MAPK10: variants seen among roughly 807,000 people sequenced by gnomAD.
The protein encoded by MAPK10 is JNK3 alpha protein kinase.
A neutral mutation model predicts 59.3 loss-of-function variants in MAPK10; 25 were observed. The observed-to-expected ratio is 0.42, with a 90% CI of 0.31 to 0.59. MAPK10 has a LOEUF of 0.59. Among genes scored for constraint, MAPK10 ranks in the 20% least tolerant of loss-of-function variants. The probability of loss-of-function intolerance (pLI) is 0.15; values close to 1 mark genes in which losing one functional copy is unlikely to be tolerated. For missense variants in MAPK10, 351 were observed against 568.9 expected (o/e 0.62, Z 3.90); for synonymous variants, 190 against 200.5 (o/e 0.95, Z 0.44).
intron 2 of MAPK10, among the ~76,000 whole-genome samples, chr4:86,215,811 G>A (rs1370097827): frequency 2.6e-5 from 4 of 152,256 alleles, no homozygotes; most frequent in African/African-American, 4.8e-5. Flanking sequence ...GCAGTGAGCC[G>A]AGATTGTGCC....
At chr4:86,458,401 T>C (rs1381424975) in intron 1 of MAPK10, among the ~76,000 whole-genome samples, 1 of 151,604 alleles carries the variant, frequency 6.6e-6, no homozygotes, top group Non-Finnish European at 1.5e-5. Context: ...GGCAAGGGTT[T>C]TGGTGAGCTG....
intron 2 of MAPK10, chr4:86,326,276 G>A (rs187591640): frequency 3.9e-5 from 6 of 152,320 alleles, no homozygotes; most frequent in Admixed American, 2.0e-4. Context: ...TATGTGACTT[G>A]ACTACTGTGC....
At chr4:86,142,205 A>C (rs2063784650) in intron 4 of MAPK10, among the ~76,000 whole-genome samples, 1 of 152,208 alleles carries the variant, frequency 6.6e-6, no homozygotes. Context: ...TTGGTGGGAA[A>C]AACAAAACAT....
rs191404912 is a variant in MAPK10 at position 86,240,772 on chromosome 4, T to G, written c.-6-46365A>C. 2.4e-3 allele frequency among the ~76,000 whole-genome samples: 364 copies of G among 152,268 alleles called. 1 individual carries two copies. Among genetic ancestry groups the G allele is most frequent in the Non-Finnish European group, 3.5e-3 (236 of 68,016 alleles). ...GGGTCTCCTAAATGCAGCAAACCGATGGGTCTTGACTCCTCATCCAATTTG... is the reference window on the plus strand; with the variant it reads ...GGGTCTCCTAAATGCAGCAAACCGAGGGGTCTTGACTCCTCATCCAATTTG... On this transcript the variant is annotated intron_variant, in intron 2 of 13. Coordinates refer to ENST00000641462, the MANE Select transcript of MAPK10 (RefSeq NM_138982.4).
At chr4:86,235,818 T>C (rs1247586906) in intron 2 of MAPK10, among the ~76,000 whole-genome samples, 1 of 152,130 alleles carries the variant, frequency 6.6e-6, no homozygotes, top group Non-Finnish European at 1.5e-5. Flanking sequence ...AATTAACACA[T>C]TTGATTCATG....
At chr4:86,298,166 A>G (rs2095404555) in intron 2 of MAPK10, among the ~76,000 whole-genome samples, 1 of 152,138 alleles carries the variant, frequency 6.6e-6, no homozygotes, top group Non-Finnish European at 1.5e-5. Flanking sequence ...GTACCTCCAC[A>G]GCAATCCAGA....
intron 3 of MAPK10, among the ~76,000 whole-genome samples, chr4:86,169,374 T>C (rs1408236887): frequency 6.6e-6 from 1 of 150,996 alleles, no homozygotes; most frequent in East Asian, 2.0e-4. Flanking sequence ...CTTAAAGGAG[T>C]GGATGGAGCT....
At chr4:86,051,869 G>A (rs1281912093) in intron 11 of MAPK10, among the ~76,000 whole-genome samples, 3 of 151,944 alleles carry the variant, frequency 2.0e-5, no homozygotes, top group Non-Finnish European at 2.9e-5. Context: ...AAAAATCTTT[G>A]GAGACAAACA....
intron 1 of MAPK10, among the ~76,000 whole-genome samples, chr4:86,516,638 GTTGT>G (rs56051065): frequency 5.7e-4 from 86 of 151,608 alleles, no homozygotes; most frequent in African/African-American, 1.6e-3. Flanking sequence ...TTTTGTTGTT[GTTGT>G]TTGTTTGTTT....
At chr4:86,416,742 C>T (rs958770700) in intron 1 of MAPK10, among the ~76,000 whole-genome samples, 10 of 152,202 alleles carry the variant, frequency 6.6e-5, no homozygotes, top group Admixed American at 3.3e-4. Flanking sequence ...CAAAATCTTG[C>T]TCCAGAGGGA....
intron 2 of MAPK10, among the ~76,000 whole-genome samples, chr4:86,231,693 T>G (rs1371413471): frequency 1.3e-5 from 2 of 151,806 alleles, no homozygotes; most frequent in African/African-American, 4.8e-5. Flanking sequence ...GAAAAAAAAG[T>G]ACAGTTATAG....
At chr4:86,115,244 AGGCGG>A (rs1410965893) in intron 4 of MAPK10, among the ~76,000 whole-genome samples, 13 of 152,122 alleles carry the variant, frequency 8.5e-5, no homozygotes, top group African/African-American at 3.1e-4. Context: ...ATGGTTTCCC[AGGCGG>A]GGCAGCGCAG....
At chr4:86,292,837 C>T (rs1023505027) in intron 2 of MAPK10, among the ~76,000 whole-genome samples, 2 of 152,190 alleles carry the variant, frequency 1.3e-5, no homozygotes, top group African/African-American at 4.8e-5. Flanking sequence ...AATTAAACCA[C>T]TTCAGAGAAA....
chr4:86,488,353 T>A (rs553539640), intron 1 of MAPK10, among the ~76,000 whole-genome samples: 1 of 152,252 alleles, frequency 6.6e-6, no homozygotes, highest in South Asian at 2.1e-4. Context: ...TTTTCATCAA[T>A]GTATAGTTCC....
At chr4:86,553,751 T>A (rs1760041674) in intron 1 of MAPK10, among the ~76,000 whole-genome samples, 1 of 152,108 alleles carries the variant, frequency 6.6e-6, no homozygotes. Flanking sequence ...ATTTGTAGGA[T>A]TTGGTCAGGG....
intron 1 of MAPK10, among the ~76,000 whole-genome samples, chr4:86,540,429 G>A (rs1289340481): frequency 6.6e-6 from 1 of 152,158 alleles, no homozygotes; most frequent in African/African-American, 2.4e-5. Flanking sequence ...GAGCCCAGGA[G>A]GCGGAGGTTG....
At chr4:86,022,003 C>T (rs932179350) in intron 13 of MAPK10, among the ~76,000 whole-genome samples, 2 of 152,236 alleles carry the variant, frequency 1.3e-5, no homozygotes, top group Non-Finnish European at 2.9e-5. Context: ...CCACACCTCC[C>T]TGCAAGCTGA....
chr4:86,075,979 G>T lies in MAPK10; in HGVS notation c.803-8024C>A, dbSNP rs1214800325. Among the ~76,000 whole-genome samples, 6 of 151,828 alleles carry T rather than the reference G, an allele frequency of 4.0e-5. No individual in the cohort carries two copies. In the East Asian group the frequency reaches 5.8e-4, roughly 15 times the overall value. ...TAAGCAAGCCTGGGCAATGGCGGGCGCCCCTCCCCCAGCCCTCCTGGGGCC... is the reference window on the plus strand; with the variant it reads ...TAAGCAAGCCTGGGCAATGGCGGGCTCCCCTCCCCCAGCCCTCCTGGGGCC... On this transcript the variant is annotated intron_variant, in intron 9 of 13. Transcript: ENST00000641462.
intron 1 of MAPK10, among the ~76,000 whole-genome samples, chr4:86,469,168 G>A (rs1752457104): frequency 6.6e-6 from 1 of 151,438 alleles, no homozygotes; most frequent in Non-Finnish European, 1.5e-5. Flanking sequence ...GGGAAGCTGA[G>A]GTGGTTGTCC....
Sources: allele counts gnomAD v4.1 joint callset (sites outside exome capture counted in the v4.1 genomes callset), GRCh38; gene constraint gnomAD v4.1.1; transcripts MANE v1.5; gene names NCBI Gene and HGNC (gene_info 2026-07-23, HGNC 2026-07-21).